GABRG3: variants seen among roughly 807,000 people sequenced by gnomAD.
GABRG3 encodes the protein gamma-aminobutyric acid type A receptor subunit gamma3.
In GABRG3, 25 loss-of-function variants were observed where a neutral mutation model predicts 48.8. That is an observed-to-expected ratio of 0.51 (90% CI 0.37 to 0.72). GABRG3 has a LOEUF of 0.72. Ranked by LOEUF, GABRG3 falls within the 30% of genes least tolerant of loss-of-function variation. The pLI is 0.00. For missense variants in GABRG3, 394 were observed against 577.9 expected, an observed-to-expected ratio of 0.68 and a Z score of 3.26; for synonymous variants, 227 against 217.6, an observed-to-expected ratio of 1.04 and a Z score of -0.38.
chr15:27,056,353 C>CAAAAAAAAAAA (rs58665097), intron 3 of GABRG3, among the ~76,000 whole-genome samples: 4 of 57,104 alleles, frequency 7.0e-5, no homozygotes, highest in East Asian at 4.0e-4. Context: ...ACCCTGTCTC[C>CAAAAAAAAAAA]AAAAAAAAAA....
chr15:27,368,764 A>G (rs2140553850), intron 5 of GABRG3, among the ~76,000 whole-genome samples: 1 of 152,298 alleles, frequency 6.6e-6, no homozygotes, highest in South Asian at 2.1e-4. Flanking sequence ...ATGCTTGGGA[A>G]GAAACAAATC....
chr15:27,097,547 C>T (rs966490506), intron 3 of GABRG3, among the ~76,000 whole-genome samples: 1 of 151,756 alleles, frequency 6.6e-6, no homozygotes, highest in Admixed American at 6.6e-5. Flanking sequence ...TTTTTCCAAC[C>T]ACTCCCAATC....
intron 1 of GABRG3, among the ~76,000 whole-genome samples, chr15:26,972,185 A>G (rs1319929412): frequency 6.6e-6 from 1 of 152,148 alleles, no homozygotes; most frequent in Non-Finnish European, 1.5e-5. Flanking sequence ...ACTTTCACAC[A>G]GAGGAACACA....
At chr15:27,205,634 T>G (rs1888827814) in intron 3 of GABRG3, among the ~76,000 whole-genome samples, 1 of 152,080 alleles carries the variant, frequency 6.6e-6, no homozygotes, top group Non-Finnish European at 1.5e-5. Flanking sequence ...TTCCACAGAA[T>G]TGGTATAAAC....
chr15:27,173,128 T>A (rs1887627908), intron 3 of GABRG3, among the ~76,000 whole-genome samples: 1 of 152,246 alleles, frequency 6.6e-6, no homozygotes, highest in African/African-American at 2.4e-5. Flanking sequence ...ATTCATCTCC[T>A]GTGACAGTGC....
intron 5 of GABRG3, among the ~76,000 whole-genome samples, chr15:27,346,103 G>A (rs796312191): frequency 1.7e-5 from 1 of 59,838 alleles, no homozygotes; most frequent in African/African-American, 5.7e-5. Flanking sequence ...AGAAAGGAAA[G>A]AAAGAGAAAG....
At chr15:27,326,705 T>G in intron 3 of GABRG3, 104 bp from the exon 4 acceptor site, 1 of 855,554 alleles carries the variant, frequency 1.2e-6, no homozygotes, top group Non-Finnish European at 1.9e-6. Flanking sequence ...ATTGGGGAGG[T>G]GAGGATGTCA....
intron 5 of GABRG3, among the ~76,000 whole-genome samples, chr15:27,332,833 A>C (rs1445987940): frequency 6.6e-6 from 1 of 152,188 alleles, no homozygotes. Flanking sequence ...TGAGGTGGTA[A>C]CATTTACTAT....
At chr15:27,009,432 C>T (rs1895646764) in intron 2 of GABRG3, among the ~76,000 whole-genome samples, 1 of 152,156 alleles carries the variant, frequency 6.6e-6, no homozygotes, top group African/African-American at 2.4e-5. Flanking sequence ...ATATATACAT[C>T]CTACATATTT....
chr15:27,166,968 C>T (rs1407165405), intron 3 of GABRG3, among the ~76,000 whole-genome samples: 2 of 152,116 alleles, frequency 1.3e-5, no homozygotes, highest in Non-Finnish European at 2.9e-5. Flanking sequence ...CTTTATTCTC[C>T]CTGGGTTTAA....
chr15:27,169,672 G>A (rs965368483), intron 3 of GABRG3, among the ~76,000 whole-genome samples: 1 of 152,130 alleles, frequency 6.6e-6, no homozygotes, highest in Non-Finnish European at 1.5e-5. Context: ...ACTCCATCTC[G>A]GCAGGCTCAG....
intron 3 of GABRG3, among the ~76,000 whole-genome samples, chr15:27,074,917 G>A (rs1896885759): frequency 6.6e-6 from 1 of 152,104 alleles, no homozygotes; most frequent in South Asian, 2.1e-4. Context: ...AGTTCCTGGA[G>A]GAGCCACTGT....
rs1235153847 is a variant in GABRG3, at chr15:27,104,183, T to G, written c.270+77362T>G. Among the ~76,000 whole-genome samples, 5 of 152,264 alleles carry G rather than the reference T, an allele frequency of 3.3e-5. No individual in the cohort carries two copies. The East Asian group carries it at 7.7e-4, about 23-fold the overall frequency. On this transcript the variant is annotated intron_variant, in intron 3 of 9. Coordinates refer to ENST00000615808, the MANE Select transcript of GABRG3 (RefSeq NM_033223.5). ...GAAGTCACTTAAAAATATTAGCTTC[T>G]GTTTTTAGGATCTTTAGCTATTCTG...
At chr15:27,111,518 C>T (rs1026644975) in intron 3 of GABRG3, among the ~76,000 whole-genome samples, 3 of 152,146 alleles carry the variant, frequency 2.0e-5, no homozygotes, top group African/African-American at 4.8e-5. Context: ...TGAGGTTTCT[C>T]GCTAGACTGC....
chr15:27,518,369 C>CAAGA (rs752702177), intron 6 of GABRG3, among the ~76,000 whole-genome samples: 1 of 126,918 alleles, frequency 7.9e-6, no homozygotes, highest in Non-Finnish European at 1.6e-5. Context: ...AACTCTGTCT[C>CAAGA]AAAAAAAAAA....
chr15:27,451,435 G>T (rs1889107738), intron 5 of GABRG3, among the ~76,000 whole-genome samples: 1 of 152,132 alleles, frequency 6.6e-6, no homozygotes, highest in African/African-American at 2.4e-5. Flanking sequence ...ACATGAAATG[G>T]GGAAAGGACA....
At chr15:27,045,252 G>A (rs921394297) in intron 3 of GABRG3, among the ~76,000 whole-genome samples, 1 of 152,352 alleles carries the variant, frequency 6.6e-6, no homozygotes, top group East Asian at 1.9e-4. Flanking sequence ...TCAGCCAGGC[G>A]AAGGGGTGAT....
intron 2 of GABRG3, among the ~76,000 whole-genome samples, chr15:27,013,301 T>G (rs1245316618): frequency 6.6e-6 from 1 of 152,114 alleles, no homozygotes; most frequent in East Asian, 1.9e-4. Context: ...TATTCTTTTT[T>G]CATTCACCTG....
chr15:27,171,550 A>ATATATG (rs953969389), intron 3 of GABRG3, among the ~76,000 whole-genome samples: 3 of 147,446 alleles, frequency 2.0e-5, no homozygotes, highest in Non-Finnish European at 4.5e-5. Context: ...ACACATGTAT[A>ATATATG]TATATGTATA....
Sources: allele counts gnomAD v4.1 joint callset (sites outside exome capture counted in the v4.1 genomes callset), GRCh38; gene constraint gnomAD v4.1.1; transcripts MANE v1.5; gene names NCBI Gene and HGNC (gene_info 2026-07-23, HGNC 2026-07-21).